The following SOX5 variants were observed in gnomAD, a reference collection of about 807,000 sequenced individuals.
The protein encoded by SOX5 is transcription factor SOX-5.
Under a neutral mutation model 92.0 loss-of-function variants are expected in SOX5, and 9 were observed. The ratio of observed to expected loss-of-function variants is 0.10; its 90% CI spans 0.06 to 0.17. The LOEUF (loss-of-function observed/expected upper bound fraction) is 0.17, where lower values mean the gene tolerates loss of function less well. Among genes scored for constraint, SOX5 ranks in the 10% least tolerant of loss-of-function variants. The probability of loss-of-function intolerance (pLI) is 1.00; values close to 1 mark genes in which losing one functional copy is unlikely to be tolerated. For synonymous variants in SOX5, 344 were observed against 336.3 expected, an observed-to-expected ratio of 1.02 and a Z score of -0.25; for missense variants, 642 against 944.5, an observed-to-expected ratio of 0.68 and a Z score of 4.20.
At chr12:23,931,777 T>A (rs1392424124) in intron 1 of SOX5, among the ~76,000 whole-genome samples, 1 of 151,674 alleles carries the variant, frequency 6.6e-6, no homozygotes, top group African/African-American at 2.4e-5. Context: ...CATTTTTTCA[T>A]AAAGAACAAA....
At chr12:24,098,578 G>C (rs758795217) in intron 4 of SOX5, among the ~76,000 whole-genome samples, 1 of 152,120 alleles carries the variant, frequency 6.6e-6, no homozygotes, top group African/African-American at 2.4e-5. Flanking sequence ...TGTTATCACT[G>C]TCTTGATAAA....
intron 6 of SOX5, among the ~76,000 whole-genome samples, chr12:23,705,838 A>G (rs2091314269): frequency 6.6e-6 from 1 of 152,112 alleles, no homozygotes; most frequent in South Asian, 2.1e-4. Flanking sequence ...CAGAATGTGA[A>G]GCGGTCCCCT....
intron 7 of SOX5, among the ~76,000 whole-genome samples, chr12:23,658,374 C>T (rs1010888066): frequency 6.6e-6 from 1 of 152,128 alleles, no homozygotes; most frequent in South Asian, 2.1e-4. Context: ...ACCCAGTTCT[C>T]TTTATTTTTC....
rs1460598211 is a variant in SOX5 at position 24,036,088 on chromosome 12, T to A, written c.-1-140064A>T. On this transcript the variant is annotated intron_variant, in intron 4 of 4. Transcript: ENST00000446891. Reference sequence around the variant, plus strand: ...AAGGCTTTAACTTAAGTGATAAAAATACTGAGATTCATCTACATTTCAAAA... The same window carrying A: ...AAGGCTTTAACTTAAGTGATAAAAAAACTGAGATTCATCTACATTTCAAAA... Among the ~76,000 whole-genome samples, 11 of 152,172 alleles carry A rather than the reference T, an allele frequency of 7.2e-5. No homozygotes were observed. The East Asian group carries it at 2.1e-3, about 29-fold the overall frequency.
At chr12:23,584,577 C>G (rs759481934) in intron 9 of SOX5, 1 of 1,611,426 alleles carries the variant, frequency 6.2e-7, no homozygotes, top group East Asian at 2.2e-5. Context: ...GCACAAATCT[C>G]CAACAGTCTG....
intron 2 of SOX5, among the ~76,000 whole-genome samples, chr12:24,356,613 A>G (rs941082017): frequency 6.6e-6 from 1 of 152,002 alleles, no homozygotes; most frequent in African/African-American, 2.4e-5. Flanking sequence ...TCACTAAATT[A>G]CACCCCAGCT....
chr12:23,723,881 A>C (rs1200290654), intron 6 of SOX5, among the ~76,000 whole-genome samples: 1 of 152,040 alleles, frequency 6.6e-6, no homozygotes, highest in Non-Finnish European at 1.5e-5. Context: ...TATAAGTCTC[A>C]ACATAAGATA....
chr12:23,985,726 C>T (rs914497082), intron 4 of SOX5, among the ~76,000 whole-genome samples: 1 of 150,910 alleles, frequency 6.6e-6, no homozygotes, highest in Non-Finnish European at 1.5e-5. Context: ...GCTGGTATAC[C>T]AAATTATCAC....
intron 4 of SOX5, among the ~76,000 whole-genome samples, chr12:24,082,888 T>A (rs970333159): frequency 5.3e-5 from 8 of 151,976 alleles, no homozygotes; most frequent in African/African-American, 1.9e-4. Context: ...GTATACCTCA[T>A]CTCATTTGCT....
chr12:24,339,011 T>A lies in SOX5; in HGVS notation c.-174+29552A>T, dbSNP rs555862297. 1.1e-3 allele frequency among the ~76,000 whole-genome samples: 161 copies of A among 152,302 alleles called. No individual in the cohort carries two copies. In the South Asian group the frequency reaches 0.011, roughly 10 times the overall value. On this transcript the variant is annotated intron_variant, in intron 2 of 4. Coordinates refer to the SOX5 transcript ENST00000446891. The stretch of plus-strand genomic sequence containing the variant: ...TTCACAAATATTGATTTGTCAATAC[T>A]ATATGCCAGGTAGTATTCTAGGGGC...
At chr12:24,016,517 A>C (rs1336639417) in intron 4 of SOX5, among the ~76,000 whole-genome samples, 1 of 152,112 alleles carries the variant, frequency 6.6e-6, no homozygotes, top group Non-Finnish European at 1.5e-5. Flanking sequence ...ACAACAAGAC[A>C]ACTAGATCCC....
At chr12:24,230,665 A>C (rs1455671978) in intron 3 of SOX5, 1 of 152,228 alleles carries the variant, frequency 6.6e-6, no homozygotes, top group African/African-American at 2.4e-5. Flanking sequence ...TTTTACACTT[A>C]AGATCAGGGT....
chr12:23,876,372 A>G (rs957651506), intron 2 of SOX5, among the ~76,000 whole-genome samples: 6 of 152,238 alleles, frequency 3.9e-5, no homozygotes, highest in Non-Finnish European at 8.8e-5. Context: ...AAACATATGA[A>G]AAAAAGCTCA....
At chr12:24,038,564 C>T (rs1211975187) in intron 4 of SOX5, among the ~76,000 whole-genome samples, 1 of 152,094 alleles carries the variant, frequency 6.6e-6, no homozygotes, top group Non-Finnish European at 1.5e-5. Context: ...GAACTTCAAC[C>T]CCTACTTAGC....
intron 3 of SOX5, among the ~76,000 whole-genome samples, chr12:23,829,658 T>G (rs1425091644): frequency 6.6e-6 from 1 of 152,166 alleles, no homozygotes; most frequent in African/African-American, 2.4e-5. Context: ...TCTGAGGGAC[T>G]TAAGAAGTAC....
At chr12:24,322,190 C>A (rs1950266306) in intron 2 of SOX5, among the ~76,000 whole-genome samples, 1 of 152,036 alleles carries the variant, frequency 6.6e-6, no homozygotes. Context: ...GAATCTCATT[C>A]ATGACATGAA....
chr12:24,496,241 A>G (rs1160933070), intron 1 of SOX5, among the ~76,000 whole-genome samples: 1 of 152,214 alleles, frequency 6.6e-6, no homozygotes, highest in Non-Finnish European at 1.5e-5. Flanking sequence ...CTAAACATCA[A>G]GAGGTTACTT....
chr12:24,214,496 T>C (rs956662276), intron 3 of SOX5, among the ~76,000 whole-genome samples: 7 of 152,116 alleles, frequency 4.6e-5, no homozygotes, highest in Admixed American at 3.9e-4. Context: ...GGGAAGTTCA[T>C]CAGCTATTGT....
chr12:23,840,550 T>C (rs2096499519), intron 3 of SOX5, among the ~76,000 whole-genome samples: 1 of 151,922 alleles, frequency 6.6e-6, no homozygotes, highest in Admixed American at 6.6e-5. Context: ...AAGTAGAAAG[T>C]TGGAGGGCTG....
Sources: gnomAD v4.1 joint callset for allele counts (sites outside exome capture counted in the v4.1 genomes callset) on GRCh38, gnomAD v4.1.1 for gene constraint, MANE v1.5 for transcripts, NCBI Gene and HGNC (gene_info 2026-07-23, HGNC 2026-07-21) for gene names.